The following BTD variants were observed in gnomAD, a reference collection of about 807,000 sequenced individuals.
The protein encoded by BTD is biotinidase.
In BTD, 13 loss-of-function variants were observed where a neutral mutation model predicts 17.7. The observed-to-expected ratio is 0.74, with a 90% CI of 0.48 to 1.17. The LOEUF is 1.17. Ranked by LOEUF, BTD falls within the 50% of genes most tolerant of loss-of-function variation. BTD has a pLI of 0.00. For synonymous variants in BTD, 240 were observed against 245.2 expected, an observed-to-expected ratio of 0.98 and a Z score of 0.20; for missense variants, 674 against 650.4, an observed-to-expected ratio of 1.04 and a Z score of -0.39.
intron 1 of BTD, among the ~76,000 whole-genome samples, chr3:15,625,649 G>A (rs534191325): frequency 6.6e-5 from 10 of 152,160 alleles, no homozygotes; most frequent in East Asian, 1.9e-4. Flanking sequence ...TCCACCTCCC[G>A]GGTTCAAGCA....
intron 3 of BTD, among the ~76,000 whole-genome samples, chr3:15,691,369 C>T (rs1162553153): frequency 3.3e-5 from 5 of 152,024 alleles, no homozygotes; most frequent in African/African-American, 7.2e-5. Flanking sequence ...GTGATCCGCC[C>T]GCCTCGGCCT....
intron 3 of BTD, 41 bp from the exon 4 acceptor site, chr3:15,644,275 C>T (rs1267618343): frequency 1.3e-6 from 2 of 1,586,044 alleles, no homozygotes; most frequent in East Asian, 4.5e-5. Flanking sequence ...GCTGGGATTA[C>T]AGGCAAAAAC....
At chr3:15,678,998 G>A (rs981760791) in intron 3 of BTD, among the ~76,000 whole-genome samples, 2 of 152,014 alleles carry the variant, frequency 1.3e-5, no homozygotes, top group Non-Finnish European at 2.9e-5. Context: ...GGGCCCAGAC[G>A]GGATCTCACT....
chr3:15,675,295 C>A (rs1320655775), intron 3 of BTD, among the ~76,000 whole-genome samples: 2 of 151,964 alleles, frequency 1.3e-5, no homozygotes, highest in African/African-American at 4.8e-5. Context: ...ACAACAACAA[C>A]AAAAGAATGG....
chr3:15,658,287 C>T (rs578066298), downstream of BTD, among the ~76,000 whole-genome samples: 1 of 152,292 alleles, frequency 6.6e-6, no homozygotes, highest in Admixed American at 6.5e-5. Context: ...TTACAGATGG[C>T]ACAGCTAACA....
chr3:15,676,036 C>T lies in BTD; in HGVS notation c.399+33979C>T, dbSNP rs780653218. On this transcript the variant is annotated intron_variant, in intron 3 of 3. Transcript: ENST00000672141. ...ATGTACACATATGTGCATGTGCATG[C>T]ACATACACATACACACCTGGCTGTC... The T allele has an allele frequency of 6.9e-6, 10 of 1,439,042 alleles. No individual in the cohort carries two copies. The African/African-American group carries it at 1.4e-4, about 20-fold the overall frequency. The allele number at this position is 1,439,042 out of a possible 1,614,324, so 89.1% of individuals were successfully genotyped here. A position where few individuals can be genotyped will look rare whatever the true frequency, so the allele number is the denominator to read the frequency against.
At chr3:15,720,336 A>G (rs2073576457) in intron 4 of BTD, among the ~76,000 whole-genome samples, 1 of 152,174 alleles carries the variant, frequency 6.6e-6, no homozygotes, top group African/African-American at 2.4e-5. Flanking sequence ...TACCATCTAA[A>G]TTGTACCACT....
intron 3 of BTD, among the ~76,000 whole-genome samples, chr3:15,665,103 T>C (rs1382449613): frequency 6.6e-6 from 1 of 151,964 alleles, no homozygotes; most frequent in Non-Finnish European, 1.5e-5. Context: ...AGTAGACAAG[T>C]AAGAGTCATA....
rs983337616 is a variant in BTD, at chr3:15,644,202, G to A, written c.400-114G>A. 8 of 1,077,718 alleles carry A rather than the reference G, an allele frequency of 7.4e-6. No homozygotes were observed. The East Asian group carries it at 7.8e-5, about 11-fold the overall frequency. 66.8% of individuals were successfully genotyped at this position (1,077,718 alleles called of 1,614,324 possible). Reference sequence around the variant, plus strand: ...TTTTTAGTTGAGATGGGGTTTCACCGTGTTAGCCAGGGTGGTCTCAATCTC... The same window carrying A: ...TTTTTAGTTGAGATGGGGTTTCACCATGTTAGCCAGGGTGGTCTCAATCTC... On this transcript the variant is annotated intron_variant, in intron 3 of 3. Transcript: ENST00000643237.
In BTD at chr3:15,644,496, A is replaced by G; in HGVS notation, c.580A>G (p.Asn194Asp). The change falls in exon 4 of 4, where the codon AAC becomes GAC. Residue 194 changes from asparagine (N) to aspartate (D), a missense_variant. Coordinates refer to ENST00000643237, the MANE Select transcript of BTD (RefSeq NM_001370658.1). ...GTLVDRYRKH[N>D]LYFEAAFDVP... ...CCTTGTTGACCGCTACCGTAAACAC[A>G]ACCTCTACTTTGAGGCAGCATTCGA... The G allele has an allele frequency of 6.2e-7, 1 of 1,614,118 alleles. No homozygotes were observed. The highest frequency in any genetic ancestry group is 8.5e-7 in the Non-Finnish European group (1 of 1,180,022).
chr3:15,621,048 G>A (rs1186602218), intron 1 of BTD, among the ~76,000 whole-genome samples: 1 of 152,238 alleles, frequency 6.6e-6, no homozygotes, highest in Non-Finnish European at 1.5e-5. Context: ...GAGAGGAAGG[G>A]TATATCCCAG....
At chr3:15,714,884 A>C (rs2072816693), downstream of BTD, among the ~76,000 whole-genome samples, 1 of 152,200 alleles carries the variant, frequency 6.6e-6, no homozygotes, top group Admixed American at 6.5e-5. Flanking sequence ...ACAATTTATA[A>C]AAATTGGGAG....
At chr3:15,655,796 G>T (rs1270488015), downstream of BTD, among the ~76,000 whole-genome samples, 3 of 152,140 alleles carry the variant, frequency 2.0e-5, no homozygotes, top group Non-Finnish European at 4.4e-5. Flanking sequence ...AGAATACTTT[G>T]TTGTTTTTAC....
exon 5 of BTD, among the ~76,000 whole-genome samples, chr3:15,722,014 C>A (rs766655753): frequency 6.6e-6 from 1 of 152,032 alleles, no homozygotes; most frequent in African/African-American, 2.4e-5. Context: ...CAAAGTGCTG[C>A]GATTACAGGC....
chr3:15,667,411 G>C (rs1473401562), intron 3 of BTD: 1 of 152,200 alleles, frequency 6.6e-6, no homozygotes, highest in African/African-American at 2.4e-5. Context: ...TAGTTCTAGA[G>C]CAGAAGCTGG....
chr3:15,696,675 A>T (rs369236038), intron 3 of BTD, among the ~76,000 whole-genome samples: 149 of 152,258 alleles, frequency 9.8e-4, no homozygotes, highest in African/African-American at 3.5e-3. Context: ...TCAAGAAAGG[A>T]TGTTAAACAA....
chr3:15,643,859 C>A (rs1488934250), intron 3 of BTD, among the ~76,000 whole-genome samples: 2 of 141,730 alleles, frequency 1.4e-5, no homozygotes, highest in East Asian at 2.0e-4. Flanking sequence ...GAGTTTGAGT[C>A]CAGCCTGGGC....
At chr3:15,604,585 T>C (rs1380513852) in intron 1 of BTD, among the ~76,000 whole-genome samples, 1 of 152,244 alleles carries the variant, frequency 6.6e-6, no homozygotes. Context: ...AAATTTCTGC[T>C]GCCAGCTTGA....
downstream of BTD, among the ~76,000 whole-genome samples, chr3:15,717,478 T>C (rs1317305287): frequency 6.6e-6 from 1 of 152,112 alleles, no homozygotes; most frequent in Non-Finnish European, 1.5e-5. Flanking sequence ...GAGTTTTCTT[T>C]TTCTTAATCA....
Sources: allele counts gnomAD v4.1 joint callset (sites outside exome capture counted in the v4.1 genomes callset), GRCh38; gene constraint gnomAD v4.1.1; transcripts MANE v1.5; gene names NCBI Gene and HGNC (gene_info 2026-07-23, HGNC 2026-07-21).